Variants in SLCO6A1 observed in about 807,000 individuals in gnomAD.
The protein encoded by SLCO6A1 is cancer/testis antigen 48.
SLCO6A1 carries 65 observed loss-of-function variants against 72.7 expected under a neutral mutation model. The observed-to-expected ratio is 0.89, with a 90% CI of 0.73 to 1.10. The LOEUF (loss-of-function observed/expected upper bound fraction) is 1.10. Among genes scored for constraint, SLCO6A1 ranks in the 50% least tolerant of loss-of-function variants. The pLI, the probability that SLCO6A1 is intolerant of heterozygous loss-of-function variation, is 0.00. For synonymous variants in SLCO6A1, 314 were observed against 298.2 expected (o/e 1.05, Z -0.55); for missense variants, 874 against 872.6 (o/e 1.00, Z -0.02).
At chr5:102,386,698 C>A (rs1746437112) in intron 12 of SLCO6A1, among the ~76,000 whole-genome samples, 1 of 152,128 alleles carries the variant, frequency 6.6e-6, no homozygotes, top group Non-Finnish European at 1.5e-5. Context: ...GGATTGGGGG[C>A]ATAGTCTGTG....
chr5:102,492,145 C>A (rs868339990), intron 1 of SLCO6A1, among the ~76,000 whole-genome samples: 1 of 152,190 alleles, frequency 6.6e-6, no homozygotes. Flanking sequence ...CACTTCCCAC[C>A]AGGACCCTCC....
intron 7 of SLCO6A1, 79 bp downstream of exon 7, chr5:102,438,533 TTTTTA>T: frequency 9.0e-7 from 1 of 1,113,764 alleles, no homozygotes. Flanking sequence ...ATTCTTTATA[TTTTTA>T]TTTATTTCAA....
rs1177864636 is a variant in SLCO6A1 at position 102,444,969 on chromosome 5, C to T, written c.1132-6208G>A. Among the ~76,000 whole-genome samples the T allele has an allele frequency of 4.6e-5, 7 of 152,236 alleles. No homozygotes were observed. In the East Asian group the frequency reaches 1.3e-3, roughly 29 times the overall value. On this transcript the variant is annotated intron_variant, in intron 6 of 13. Transcript: ENST00000506729. ...TACTACATTTTCTTTATCCATTTCA[C>T]CACTAATGAGCATCTAGGTGGATTC...
intron 1 of SLCO6A1, among the ~76,000 whole-genome samples, chr5:102,497,535 G>T (rs1410316404): frequency 6.6e-6 from 1 of 152,212 alleles, no homozygotes; most frequent in East Asian, 1.9e-4. Context: ...GTGCCAGTCA[G>T]GTTCTGGAGG....
intron 10 of SLCO6A1, among the ~76,000 whole-genome samples, chr5:102,392,320 G>C (rs1197925961): frequency 6.6e-6 from 1 of 151,796 alleles, no homozygotes; most frequent in Non-Finnish European, 1.5e-5. Context: ...ATTATGAGCA[G>C]ATTCACTAAA....
chr5:102,498,521 G>C lies in SLCO6A1; in HGVS notation c.324C>G (p.Phe108Leu). The C allele has an allele frequency of 6.2e-7, 1 of 1,613,990 alleles. No homozygotes were observed. Among genetic ancestry groups the C allele is most frequent in the South Asian group, 1.1e-5 (1 of 91,080 alleles). The change falls in exon 1 of 14, where the codon TTC becomes TTG. Residue 108 changes from phenylalanine to leucine, a missense_variant. Transcript: ENST00000506729. ...TGAGCAGGATGCAGTAGAAAATCAT[G>C]AAGCAGCGAATGTTATTGCAACACT... ...CCECCNNIRC[F>L]MIFYCILLIC...
At chr5:102,486,762 A>G (rs1752458979) in intron 1 of SLCO6A1, among the ~76,000 whole-genome samples, 1 of 152,144 alleles carries the variant, frequency 6.6e-6, no homozygotes, top group South Asian at 2.1e-4. Flanking sequence ...CCATAAGTAC[A>G]TTGTCTTTAC....
chr5:102,372,329 T>C (rs534304519), intron 13 of SLCO6A1, among the ~76,000 whole-genome samples: 3 of 152,156 alleles, frequency 2.0e-5, no homozygotes, highest in Admixed American at 1.3e-4. Flanking sequence ...CATAGGGTCA[T>C]TGACTAATGT....
rs182347157 is a variant in SLCO6A1, at chr5:102,490,115, G to A, written c.358+8372C>T. Among the ~76,000 whole-genome samples the A allele has an allele frequency of 2.7e-3, 417 of 152,232 alleles. 2 individuals are homozygous for A. The highest frequency in any genetic ancestry group is 9.7e-3 in the African/African-American group (403 of 41,534). ...GTGGAAGGAGGGATGCACAGAGGTT[G>A]GTCAATGAGTACTAAGTTACAGTTA... is the stretch of plus-strand genomic sequence containing the variant. On this transcript the variant is annotated intron_variant, in intron 1 of 13. Transcript: ENST00000506729.
intron 7 of SLCO6A1, among the ~76,000 whole-genome samples, chr5:102,421,234 TC>T (rs1748583446): frequency 6.6e-6 from 1 of 152,022 alleles, no homozygotes; most frequent in African/African-American, 2.4e-5. Context: ...TTTTTTTTTT[TC>T]ATACCCCAGT....
intron 7 of SLCO6A1, among the ~76,000 whole-genome samples, chr5:102,425,393 CCTT>C (rs931734582): frequency 2.0e-5 from 3 of 152,150 alleles, no homozygotes; most frequent in African/African-American, 4.8e-5. Context: ...CCCAAAATCT[CCTT>C]AAGAGGATAA....
intron 7 of SLCO6A1, among the ~76,000 whole-genome samples, chr5:102,436,577 A>C (rs1309007293): frequency 6.6e-6 from 1 of 152,136 alleles, no homozygotes; most frequent in African/African-American, 2.4e-5. Flanking sequence ...GCAAACCTAC[A>C]TTGAAGCTGA....
chr5:102,386,694 G>A (rs543269197), intron 12 of SLCO6A1, among the ~76,000 whole-genome samples: 1 of 152,254 alleles, frequency 6.6e-6, no homozygotes, highest in East Asian at 1.9e-4. Flanking sequence ...CACAGGATTG[G>A]GGGCATAGTC....
chr5:102,419,350 T>C (rs1748460826), intron 8 of SLCO6A1, among the ~76,000 whole-genome samples: 1 of 152,232 alleles, frequency 6.6e-6, no homozygotes, highest in Non-Finnish European at 1.5e-5. Context: ...CCAGTTTTGT[T>C]ATTTAGTATT....
At chr5:102,498,375 C>CT in intron 1 of SLCO6A1, 112 bp downstream of exon 1, 1 of 1,048,604 alleles carries the variant, frequency 9.5e-7, no homozygotes, top group Non-Finnish European at 1.4e-6. Context: ...GCTGGGCCAC[C>CT]CCAGGGCATG....
intron 4 of SLCO6A1, among the ~76,000 whole-genome samples, chr5:102,466,350 A>C (rs2112784912): frequency 6.6e-6 from 1 of 152,172 alleles, no homozygotes. Context: ...TCCAAAGGAC[A>C]TGATCTTGTT....
intron 6 of SLCO6A1, among the ~76,000 whole-genome samples, chr5:102,449,561 T>A (rs538348133): frequency 6.6e-6 from 1 of 152,226 alleles, no homozygotes; most frequent in East Asian, 1.9e-4. Flanking sequence ...TAATTTTTTG[T>A]ATTTTTAGTA....
At chr5:102,459,238 C>T (rs1750897362) in intron 5 of SLCO6A1, among the ~76,000 whole-genome samples, 2 of 151,970 alleles carry the variant, frequency 1.3e-5, no homozygotes, top group Admixed American at 1.3e-4. Flanking sequence ...AGCAAGACTC[C>T]ATCTCTAGAA....
chr5:102,467,067 G>A (rs921601431), intron 4 of SLCO6A1, among the ~76,000 whole-genome samples: 2 of 152,024 alleles, frequency 1.3e-5, no homozygotes, highest in African/African-American at 4.8e-5. Flanking sequence ...TTGTTTTGGT[G>A]TCTTCATCAT....
Sources: gnomAD v4.1 joint callset for allele counts (sites outside exome capture counted in the v4.1 genomes callset) on GRCh38, gnomAD v4.1.1 for gene constraint, MANE v1.5 for transcripts, NCBI Gene and HGNC (gene_info 2026-07-23, HGNC 2026-07-21) for gene names.